Variants in ITGB3BP observed in about 807,000 individuals in gnomAD.
The protein encoded by ITGB3BP is centromere protein R.
In ITGB3BP, 27 loss-of-function variants were observed where a neutral mutation model predicts 29.1. The ratio of observed to expected loss-of-function variants is 0.93; its 90% CI spans 0.68 to 1.28. The LOEUF (loss-of-function observed/expected upper bound fraction) is 1.28, where lower values mean the gene tolerates loss of function less well. Among genes scored for constraint, ITGB3BP ranks in the 50% most tolerant of loss-of-function variants. The pLI, the probability that ITGB3BP is intolerant of heterozygous loss-of-function variation, is 0.00. For synonymous variants in ITGB3BP, 61 were observed against 61.4 expected (o/e 0.99, Z 0.03); for missense variants, 192 against 200.2 (o/e 0.96, Z 0.25).
At chr1:63,486,554 G>A (rs924848055) in intron 3 of ITGB3BP, among the ~76,000 whole-genome samples, 8 of 152,148 alleles carry the variant, frequency 5.3e-5, no homozygotes, top group African/African-American at 1.9e-4. Context: ...TTACAGTATT[G>A]TAAAGTATTA....
intron 4 of ITGB3BP, among the ~76,000 whole-genome samples, chr1:63,469,938 C>T (rs1477482781): frequency 6.6e-6 from 1 of 152,214 alleles, no homozygotes; most frequent in Non-Finnish European, 1.5e-5. Flanking sequence ...GGGCAAGGAA[C>T]ACCTGGCCCG....
intron 4 of ITGB3BP, among the ~76,000 whole-genome samples, chr1:63,467,875 C>G (rs1022760607): frequency 2.6e-5 from 4 of 152,184 alleles, no homozygotes; most frequent in Admixed American, 6.5e-5. Flanking sequence ...ATCTTACATA[C>G]TGTATCTTCT....
chr1:63,516,074 T>C (rs1459123317), intron 1 of ITGB3BP, among the ~76,000 whole-genome samples: 1 of 151,316 alleles, frequency 6.6e-6, no homozygotes, highest in East Asian at 2.0e-4. Flanking sequence ...ACCGTGTTGT[T>C]CTGCAACAAC....
At chr1:63,476,656 G>C (rs1645346290) in intron 4 of ITGB3BP, among the ~76,000 whole-genome samples, 1 of 152,164 alleles carries the variant, frequency 6.6e-6, no homozygotes, top group South Asian at 2.1e-4. Context: ...ACACTATTAA[G>C]TTTAAGTGGA....
At chr1:63,473,172 G>T (rs193152381) in intron 4 of ITGB3BP, among the ~76,000 whole-genome samples, 3 of 151,200 alleles carry the variant, frequency 2.0e-5, no homozygotes, top group African/African-American at 7.3e-5. Flanking sequence ...CCGCAACCCT[G>T]TCTGGGAGGT....
At chr1:63,506,969 T>C (rs918132463) in intron 2 of ITGB3BP, among the ~76,000 whole-genome samples, 1 of 152,192 alleles carries the variant, frequency 6.6e-6, no homozygotes. Context: ...GGAGCCAGGT[T>C]GCTTCAGGGC....
chr1:63,470,175 A>G (rs7526794), intron 4 of ITGB3BP, among the ~76,000 whole-genome samples: 150,738 of 152,308 alleles, frequency 0.99, 74,610 homozygotes, highest in Middle Eastern at 1. Context: ...ATCTCTGTTC[A>G]GGGCTCTCAG....
intron 2 of ITGB3BP, among the ~76,000 whole-genome samples, chr1:63,503,482 G>A (rs1400034575): frequency 1.3e-5 from 2 of 151,890 alleles, no homozygotes; most frequent in Non-Finnish European, 2.9e-5. Context: ...TCTGATGGTA[G>A]TTTCTTCTGC....
At chr1:63,467,822 A>G (rs1027137585) in intron 4 of ITGB3BP, among the ~76,000 whole-genome samples, 13 of 152,236 alleles carry the variant, frequency 8.5e-5, no homozygotes, top group African/African-American at 3.1e-4. Flanking sequence ...AGAATTACCC[A>G]ACCCAAATGT....
At chr1:63,477,952 C>T (rs185758670) in intron 4 of ITGB3BP, among the ~76,000 whole-genome samples, 410 of 152,228 alleles carry the variant, frequency 2.7e-3, no homozygotes, top group African/African-American at 9.6e-3. Context: ...TCCAGGACTC[C>T]TGCAGATACC....
In ITGB3BP at chr1:63,446,871, A is replaced by C. The variant is rs767113629; in HGVS notation, c.485-15T>G. 1.1e-5 allele frequency: 17 copies of C among 1,595,496 alleles called. No homozygotes were observed. Among genetic ancestry groups the C allele is most frequent in the Non-Finnish European group, 1.5e-5 (17 of 1,170,488 alleles). ...ATGACGTGATGCTATATGAAAGAAG[A>C]AAGGTTTTTTTTTTCAGAAAACAAT... On this transcript the variant is annotated splice_polypyrimidine_tract_variant and intron_variant, in intron 7 of 8. Transcript: ENST00000271002.
intron 2 of ITGB3BP, among the ~76,000 whole-genome samples, chr1:63,504,645 G>T (rs568092289): frequency 6.6e-6 from 1 of 152,180 alleles, no homozygotes; most frequent in South Asian, 2.1e-4. Context: ...ATTGGCTGTG[G>T]GTTTGTCATA....
At chr1:63,492,866 T>C (rs972287008) in intron 2 of ITGB3BP, among the ~76,000 whole-genome samples, 2 of 152,168 alleles carry the variant, frequency 1.3e-5, no homozygotes, top group African/African-American at 2.4e-5. Flanking sequence ...CCCAGCACTT[T>C]GGGAAGCCAA....
upstream of ITGB3BP, chr1:63,523,665 C>T (rs1646517997): frequency 5.7e-6 from 1 of 176,354 alleles, no homozygotes; most frequent in Non-Finnish European, 1.2e-5. Flanking sequence ...TCTGTCTCTT[C>T]GCTCCCTCTG....
At chr1:63,472,910 T>G (rs530479117) in intron 4 of ITGB3BP, among the ~76,000 whole-genome samples, 16 of 151,982 alleles carry the variant, frequency 1.1e-4, no homozygotes, top group Admixed American at 1.0e-3. Flanking sequence ...GTCTGGGAAG[T>G]GAGGAGCGTC....
intron 2 of ITGB3BP, among the ~76,000 whole-genome samples, chr1:63,494,054 A>C (rs1557640653): frequency 6.6e-6 from 1 of 152,224 alleles, no homozygotes; most frequent in Non-Finnish European, 1.5e-5. Flanking sequence ...TGAAATTTAC[A>C]TTAGAAAACT....
At chr1:63,512,942 C>G (rs1252963816) in intron 1 of ITGB3BP, among the ~76,000 whole-genome samples, 1 of 152,118 alleles carries the variant, frequency 6.6e-6, no homozygotes, top group Non-Finnish European at 1.5e-5. Context: ...TTCAAGACTG[C>G]AGGCCATTTT....
At chr1:63,527,772 T>A (rs367743560), upstream of ITGB3BP, 8 of 152,242 alleles carry the variant, frequency 5.3e-5, no homozygotes, top group African/African-American at 1.7e-4. Flanking sequence ...CTGAGAAAGT[T>A]GTTCTTGTCT....
At chr1:63,453,829 C>G (rs1644894621) in intron 7 of ITGB3BP, 89 bp downstream of exon 7, 11 of 756,324 alleles carry the variant, frequency 1.5e-5, no homozygotes, top group Non-Finnish European at 2.3e-5. Flanking sequence ...AAAAAGAAAA[C>G]CACTAAAAAG....
Sources: allele counts gnomAD v4.1 joint callset (sites outside exome capture counted in the v4.1 genomes callset), GRCh38; gene constraint gnomAD v4.1.1; transcripts MANE v1.5; gene names NCBI Gene and HGNC (gene_info 2026-07-23, HGNC 2026-07-21).